SLC12A9: variants seen among roughly 807,000 people sequenced by gnomAD.
SLC12A9 encodes the protein CCC-interacting protein 1.
Under a neutral mutation model 66.0 loss-of-function variants are expected in SLC12A9, and 55 were observed. That is an observed-to-expected ratio of 0.83 (90% CI 0.67 to 1.04). The LOEUF is 1.04. SLC12A9 is among the 50% of genes least tolerant of loss of function. SLC12A9 has a pLI of 0.00. For synonymous variants in SLC12A9, 577 were observed against 569.0 expected (o/e 1.01, Z -0.20); for missense variants, 1,061 against 1,241.9 (o/e 0.85, Z 2.19).
intron 1 of SLC12A9, among the ~76,000 whole-genome samples, chr7:100,834,863 G>A (rs1371732298): frequency 2.6e-5 from 4 of 152,114 alleles, no homozygotes; most frequent in Admixed American, 2.6e-4. Context: ...GCAAGACCCT[G>A]TCTCAAAAAT....
intron 9 of SLC12A9, 63 bp downstream of exon 9, chr7:100,860,295 GT>G: frequency 6.5e-7 from 1 of 1,535,266 alleles, no homozygotes; most frequent in Non-Finnish European, 8.9e-7. Flanking sequence ...TGGGGGTGCA[GT>G]TAGATGCAGG....
At chr7:100,851,784 CAAAAA>C (rs66749400), upstream of SLC12A9, among the ~76,000 whole-genome samples, 14,510 of 74,030 alleles carry the variant, frequency 0.2, 936 homozygotes, top group Middle Eastern at 0.33. Flanking sequence ...GTTCCTGGAT[CAAAAA>C]AAAAAAAAAA....
At chr7:100,844,673 A>G (rs1191602501) in intron 1 of SLC12A9, among the ~76,000 whole-genome samples, 1 of 152,198 alleles carries the variant, frequency 6.6e-6, no homozygotes, top group Non-Finnish European at 1.5e-5. Context: ...CCCTTCCTGT[A>G]CTAAAGGACA....
intron 1 of SLC12A9, 66 bp from the exon 2 acceptor site, chr7:100,854,090 T>A: frequency 9.5e-7 from 1 of 1,048,876 alleles, no homozygotes; most frequent in South Asian, 1.9e-5. Flanking sequence ...GGTGTTTGAT[T>A]AGTGGTCTTT....
rs755887006 is a variant in SLC12A9, at chr7:100,860,140, G to A, written c.1136-10G>A. ...GGCTGATGTGTCTGCTGTGGATTCT[G>A]TTTTTCTAGGCGTGATCTTGGCACC... On this transcript the variant is annotated splice_polypyrimidine_tract_variant and intron_variant, in intron 8 of 13. Coordinates refer to ENST00000354161, the MANE Select transcript of SLC12A9 (RefSeq NM_020246.4). 1.2e-6 allele frequency: 2 copies of A among 1,614,202 alleles called. No homozygotes were observed. Among genetic ancestry groups the A allele is most frequent in the South Asian group, 2.2e-5 (2 of 91,082 alleles).
At chr7:100,852,120 G>A (rs1461532624), upstream of SLC12A9, among the ~76,000 whole-genome samples, 1 of 152,188 alleles carries the variant, frequency 6.6e-6, no homozygotes, top group Non-Finnish European at 1.5e-5. Flanking sequence ...ATTTCTGCTG[G>A]AAGTGAGAAC....
intron 5 of SLC12A9, 23 bp downstream of exon 5, chr7:100,857,199 AG>A: frequency 6.3e-7 from 1 of 1,595,728 alleles, no homozygotes. Context: ...CTGCCGTGGC[AG>A]GGATCTCGGG....
chr7:100,839,452 G>C (rs780808625), intron 1 of SLC12A9, among the ~76,000 whole-genome samples: 2 of 152,160 alleles, frequency 1.3e-5, no homozygotes, highest in African/African-American at 4.8e-5. Context: ...TCTGCGCCTC[G>C]TCCTGCTACA....
Position 100,861,772 on chromosome 7 carries a change from G to A in SLC12A9, c.1572G>A (p.Lys524=), listed in dbSNP as rs750575088. Residue 524 remains lysine (K), a synonymous_variant, in exon 12 of 14, where the codon AAG becomes AAA. Transcript: ENST00000354161. This position sits in a 1 kb window ranked among gnomAD's most constrained non-coding sequence, Gnocchi z 5.3. ...ATCTGCTTCGGCTGGACGTCCGGAA[G>A]GATCACGTGAAGTTCTGGCGGCCCC... ...RKYLLRLDVR[K]DHVKFWRPQL... is the part of the protein sequence containing the mutation. 5.6e-6 allele frequency: 9 copies of A among 1,614,134 alleles called. No homozygotes were observed. In the South Asian group the frequency reaches 9.9e-5, roughly 18 times the overall value.
chr7:100,856,512 CTTCTT>C (rs1814395670), intron 4 of SLC12A9: 126 of 99,514 alleles, frequency 1.3e-3, no homozygotes, highest in Middle Eastern at 8.1e-3. Flanking sequence ...CCTGCCCCTT[CTTCTT>C]TTTTTTTTTT....
At chr7:100,851,486 C>A (rs1022622399), upstream of SLC12A9, among the ~76,000 whole-genome samples, 1 of 138,134 alleles carries the variant, frequency 7.2e-6, no homozygotes, top group African/African-American at 2.6e-5. Flanking sequence ...TGCAGTGGTG[C>A]GATCTCAGCT....
At position 100,860,033 on chromosome 7, in the gene SLC12A9, G is replaced by A; in HGVS notation, c.1126G>A (p.Asp376Asn). Residue 376 changes from aspartate to asparagine, a missense_variant, in exon 8 of 14, where the codon GAC becomes AAC. Physicochemically the swap from Asp to Asn is conservative, Grantham distance 23. Transcript: ENST00000354161. ...SRILHALARD[D>N]LFGVILAPAK... ...CATCCTCCATGCCCTGGCCCGGGAT[G>A]ACCTCTTTGGTGGGTTCTCTGCCTC... 1 of 1,614,078 alleles carries A rather than the reference G, an allele frequency of 6.2e-7. No individual in the cohort carries two copies. The highest frequency in any genetic ancestry group is 8.5e-7 in the Non-Finnish European group (1 of 1,179,966).
At position 100,861,388 on chromosome 7, in the gene SLC12A9, G is replaced by C. The variant is rs367660115; in HGVS notation, c.1344-4G>C. 6.2e-7 allele frequency: 1 copy of C among 1,612,846 alleles called. No individual in the cohort carries two copies. Among genetic ancestry groups the C allele is most frequent in the Non-Finnish European group, 8.5e-7 (1 of 1,179,390 alleles). On this transcript the variant is annotated splice_region_variant and splice_polypyrimidine_tract_variant and intron_variant, in intron 10 of 13. Coordinates refer to ENST00000354161, the MANE Select transcript of SLC12A9 (RefSeq NM_020246.4). The surrounding 1 kb of genome is among the most constrained non-coding windows in gnomAD (Gnocchi z 5.3). Reference sequence around the variant, plus strand: ...TCTGTCCCTCCTCCCCTCCATGCCCGCAGCCCCACCTTCAGCCTGTTCTCC... The same window carrying C: ...TCTGTCCCTCCTCCCCTCCATGCCCCCAGCCCCACCTTCAGCCTGTTCTCC...
At chr7:100,865,476 C>A in intron 13 of SLC12A9, 2 of 1,533,190 alleles carry the variant, frequency 1.3e-6, no homozygotes, top group Non-Finnish European at 1.7e-6. Flanking sequence ...CTAAGGCGAA[C>A]TTTGCCTGTT....
chr7:100,854,670 G>T lies in SLC12A9; in HGVS notation c.232G>T (p.Val78Phe). The T allele has an allele frequency of 6.2e-7, 1 of 1,614,080 alleles. No homozygotes were observed. Among genetic ancestry groups the T allele is most frequent in the South Asian group, 1.1e-5 (1 of 91,086 alleles). Reference sequence around the variant, plus strand: ...ACTGCAGGCCCTGGCCATGCTGCTGGTTGCCTACTTCATCCTGGCACTCAC... The same window carrying T: ...ACTGCAGGCCCTGGCCATGCTGCTGTTTGCCTACTTCATCCTGGCACTCAC... ...GLLQALAMLL[V>F]AYFILALTVL... is the part of the protein sequence containing the mutation. Residue 78 changes from valine (V) to phenylalanine (F), a missense_variant, in exon 3 of 14, where the codon GTT becomes TTT. Val to Phe is a conservative substitution (Grantham distance 50). Coordinates refer to ENST00000354161, the MANE Select transcript of SLC12A9 (RefSeq NM_020246.4).
In SLC12A9 at chr7:100,860,248, C is replaced by A; in HGVS notation, c.1218+16C>A. 6.2e-7 allele frequency: 1 copy of A among 1,611,706 alleles called. No individual in the cohort carries two copies. The highest frequency in any genetic ancestry group is 1.1e-5 in the South Asian group (1 of 90,792). ...CCTGGTGCAGGTGAGCCTTCTTCTT[C>A]AAGGGGCCCTTTCCCTCACCCCACC... On this transcript the variant is annotated intron_variant, in intron 9 of 13. Coordinates refer to ENST00000354161, the MANE Select transcript of SLC12A9 (RefSeq NM_020246.4).
At chr7:100,829,688 G>A (rs1584673352) in intron 1 of SLC12A9, among the ~76,000 whole-genome samples, 1 of 152,214 alleles carries the variant, frequency 6.6e-6, no homozygotes, top group East Asian at 1.9e-4. Flanking sequence ...CCCCTGCCCT[G>A]CCTTTTGCCA....
At chr7:100,860,095 C>G in intron 8 of SLC12A9, 53 bp downstream of exon 8, 20 of 1,614,164 alleles carry the variant, frequency 1.2e-5, no homozygotes, top group Non-Finnish European at 1.6e-5. Context: ...TTGTCTGTCT[C>G]TCCGTCCCCG....
intron 1 of SLC12A9, among the ~76,000 whole-genome samples, chr7:100,830,778 A>C (rs1363381526): frequency 1.3e-5 from 2 of 152,158 alleles, no homozygotes; most frequent in Admixed American, 6.6e-5. Flanking sequence ...CCTGGTAGAA[A>C]AAAAATCCCA....
Sources: allele counts gnomAD v4.1 joint callset (sites outside exome capture counted in the v4.1 genomes callset), GRCh38; gene constraint gnomAD v4.1.1; non-coding constraint Gnocchi (gnomAD v3.1); transcripts MANE v1.5; gene names NCBI Gene and HGNC (gene_info 2026-07-23, HGNC 2026-07-21).